KCND3: variants seen among roughly 807,000 people sequenced by gnomAD.
KCND3 encodes the protein A-type voltage-gated potassium channel KCND3.
Under a neutral mutation model 51.1 loss-of-function variants are expected in KCND3, and 9 were observed. The ratio of observed to expected loss-of-function variants is 0.18; its 90% confidence interval spans 0.11 to 0.31. The LOEUF is 0.31. Ranked by LOEUF, KCND3 falls within the 10% of genes least tolerant of loss-of-function variation. The probability of loss-of-function intolerance (pLI) is 1.00; values close to 1 mark genes in which losing one functional copy is unlikely to be tolerated. For missense variants in KCND3, 526 were observed against 903.8 expected, an observed-to-expected ratio of 0.58 and a Z score of 5.36; for synonymous variants, 349 against 368.0, an observed-to-expected ratio of 0.95 and a Z score of 0.59.
chr1:111,865,051 T>A (rs1668495760), intron 2 of KCND3, among the ~76,000 whole-genome samples: 1 of 152,188 alleles, frequency 6.6e-6, no homozygotes, highest in Non-Finnish European at 1.5e-5. Flanking sequence ...CCAATCTTCA[T>A]CTTGGTCTGA....
intron 2 of KCND3, among the ~76,000 whole-genome samples, chr1:111,976,406 C>A (rs892334957): frequency 6.6e-6 from 1 of 152,188 alleles, no homozygotes; most frequent in Non-Finnish European, 1.5e-5. Flanking sequence ...TCTGCCATGA[C>A]TATATAGCTA....
At chr1:111,868,327 G>C (rs2086157) in intron 2 of KCND3, among the ~76,000 whole-genome samples, 2,731 of 152,212 alleles carry the variant, frequency 0.018, 77 homozygotes, top group African/African-American at 0.061. Context: ...GCAGCCATCT[G>C]GTTATCAGAT....
At chr1:111,972,252 A>G (rs1674373562) in intron 2 of KCND3, among the ~76,000 whole-genome samples, 1 of 144,490 alleles carries the variant, frequency 6.9e-6, no homozygotes, top group South Asian at 2.2e-4. Flanking sequence ...GGCTCACTGC[A>G]AGCTCCGCCT....
chr1:111,781,863 T>C (rs1664404145), intron 3 of KCND3, among the ~76,000 whole-genome samples: 1 of 152,270 alleles, frequency 6.6e-6, no homozygotes, highest in Non-Finnish European at 1.5e-5. Flanking sequence ...ACTATGACAG[T>C]AGCACAGCCA....
chr1:111,968,772 C>T (rs1160373746), intron 2 of KCND3, among the ~76,000 whole-genome samples: 1 of 152,164 alleles, frequency 6.6e-6, no homozygotes, highest in African/African-American at 2.4e-5. Context: ...GAACTGGCTT[C>T]CAGCTCTCTG....
In KCND3 at chr1:111,916,750, G is replaced by T. The variant is rs150098293; in HGVS notation, c.1106+64871C>A. 1.6e-4 allele frequency among the ~76,000 whole-genome samples: 24 copies of T among 152,182 alleles called. No individual in the cohort carries two copies. In the East Asian group the frequency reaches 4.2e-3, roughly 27 times the overall value. ...CACACACATCAAAAAGATAATAAGA[G>T]AATATTATAAACAACTTCATGCCAG... On this transcript the variant is annotated intron_variant, in intron 2 of 7. Coordinates refer to ENST00000302127, the MANE Select transcript of KCND3 (RefSeq NM_001378969.1).
At chr1:111,926,775 G>A (rs1293338959) in intron 2 of KCND3, among the ~76,000 whole-genome samples, 1 of 152,382 alleles carries the variant, frequency 6.6e-6, no homozygotes. Flanking sequence ...CATCGCTCGG[G>A]GCTGACGCAG....
intron 2 of KCND3, among the ~76,000 whole-genome samples, chr1:111,901,746 C>T (rs1396783750): frequency 1.3e-5 from 2 of 152,136 alleles, no homozygotes; most frequent in Admixed American, 1.3e-4. Context: ...AAGCCCCAGC[C>T]TGACCTCTCC....
chr1:111,966,400 G>A (rs1571915386), intron 2 of KCND3, among the ~76,000 whole-genome samples: 1 of 152,300 alleles, frequency 6.6e-6, no homozygotes, highest in South Asian at 2.1e-4. Context: ...TGGGAATGGA[G>A]GAAACCAGCC....
chr1:111,820,140 G>T (rs639570), intron 2 of KCND3, among the ~76,000 whole-genome samples: 135,187 of 152,270 alleles, frequency 0.89, 60,265 homozygotes, highest in East Asian at 1. Flanking sequence ...TACTTGTTAT[G>T]CATTTCCCAA....
At chr1:111,880,716 A>G (rs1282825870) in intron 2 of KCND3, among the ~76,000 whole-genome samples, 1 of 152,212 alleles carries the variant, frequency 6.6e-6, no homozygotes. Flanking sequence ...CCGTGGAAAC[A>G]TTTAAATATC....
rs549516268 is a variant in KCND3 at position 111,897,558 on chromosome 1, G to A, written c.1106+84063C>T. Among the ~76,000 whole-genome samples the A allele has an allele frequency of 5.9e-5, 9 of 152,362 alleles. No homozygotes were observed. The South Asian group carries it at 1.9e-3, about 32-fold the overall frequency. On this transcript the variant is annotated intron_variant, in intron 2 of 7. Coordinates refer to ENST00000302127, the MANE Select transcript of KCND3 (RefSeq NM_001378969.1). ...TGCGTGGGGCACAGGAGCGGAGTGT[G>A]TCTAGCTGGGTATGTGGGTTTCTGC...
intron 2 of KCND3, among the ~76,000 whole-genome samples, chr1:111,938,516 C>T (rs1672326888): frequency 6.6e-6 from 1 of 152,132 alleles, no homozygotes; most frequent in African/African-American, 2.4e-5. Flanking sequence ...ATGGTGATAA[C>T]TGCTATGAAG....
chr1:111,883,039 A>T (rs1013720391), intron 2 of KCND3, among the ~76,000 whole-genome samples: 1 of 152,188 alleles, frequency 6.6e-6, no homozygotes, highest in Non-Finnish European at 1.5e-5. Flanking sequence ...GTTTGGATCA[A>T]GTCATGTCTC....
chr1:111,787,356 T>G lies in KCND3; in HGVS notation c.1107-250A>C, dbSNP rs584096. On this transcript the variant is annotated intron_variant, in intron 2 of 7. Coordinates refer to ENST00000302127, the MANE Select transcript of KCND3 (RefSeq NM_001378969.1). ...TGAATACATAAAAATATCATGTCTTTGTTGGTTCTACAAAGAGACTAGAGA... is the reference window on the plus strand; with the variant it reads ...TGAATACATAAAAATATCATGTCTTGGTTGGTTCTACAAAGAGACTAGAGA... Among the ~76,000 whole-genome samples the G allele has an allele frequency of 0.31, 47,551 of 152,102 alleles. 9,897 individuals are homozygous for G. The highest frequency in any genetic ancestry group is 0.6 in the African/African-American group (24,829 of 41,462).
intron 2 of KCND3, among the ~76,000 whole-genome samples, chr1:111,832,196 C>T (rs942900429): frequency 6.6e-6 from 1 of 152,196 alleles, no homozygotes; most frequent in African/African-American, 2.4e-5. Context: ...GGCTAAGGAT[C>T]AAGAAGCCAA....
intron 2 of KCND3, among the ~76,000 whole-genome samples, chr1:111,882,000 C>A (rs764866739): frequency 4.6e-5 from 7 of 152,090 alleles, no homozygotes; most frequent in Non-Finnish European, 1.0e-4. Context: ...CACCATGGGA[C>A]CCTGGTGAAC....
chr1:111,947,866 G>C (rs1672858846), intron 2 of KCND3, among the ~76,000 whole-genome samples: 1 of 152,180 alleles, frequency 6.6e-6, no homozygotes, highest in African/African-American at 2.4e-5. Context: ...TTGTTTATTT[G>C]CTTGTATTAC....
intron 2 of KCND3, among the ~76,000 whole-genome samples, chr1:111,853,341 G>A (rs1667909719): frequency 6.6e-6 from 1 of 152,152 alleles, no homozygotes; most frequent in Non-Finnish European, 1.5e-5. Flanking sequence ...ATGAAATCTT[G>A]TATGTGAAAG....
Sources: allele counts gnomAD v4.1 joint callset (sites outside exome capture counted in the v4.1 genomes callset), GRCh38; gene constraint gnomAD v4.1.1; transcripts MANE v1.5; gene names NCBI Gene and HGNC (gene_info 2026-07-23, HGNC 2026-07-21).